The following STARD8 variants were observed in gnomAD, a reference collection of about 807,000 sequenced individuals.
The protein encoded by STARD8 is StAR related lipid transfer domain containing 8.
In STARD8, 25 loss-of-function variants were observed where a neutral mutation model predicts 69.4. That is an observed-to-expected ratio of 0.36 (90% CI 0.26 to 0.50). The LOEUF (loss-of-function observed/expected upper bound fraction) is 0.50, where lower values mean the gene tolerates loss of function less well. STARD8 is among the 20% of genes least tolerant of loss of function. STARD8 has a pLI of 0.96. For synonymous variants in STARD8, 389 were observed against 374.6 expected (o/e 1.04, Z -0.45); for missense variants, 921 against 932.5 (o/e 0.99, Z 0.16).
chrX:68,653,281 ACACACAC>A (rs1418902795), intron 1 of STARD8, among the ~76,000 whole-genome samples: 43 of 37,864 alleles, frequency 1.1e-3, no homozygotes, highest in African/African-American at 4.3e-3. Flanking sequence ...ACCACACCAC[ACACACAC>A]CACACACCAC....
At chrX:68,647,995 C>A in intron 1 of STARD8, 68 bp downstream of exon 1, 2 of 1,136,105 alleles carry the variant, frequency 1.8e-6, no homozygotes, top group Non-Finnish European at 2.4e-6. Flanking sequence ...TGGACCACTG[C>A]GCACCAGCTG....
chrX:68,709,260 G>A (rs896004902), intron 2 of STARD8, among the ~76,000 whole-genome samples: 5 of 112,368 alleles, frequency 4.4e-5, no homozygotes, highest in African/African-American at 1.6e-4. Context: ...TGGAGCAATT[G>A]CAGCCTCTTT....
At chrX:68,668,106 T>TTTCTTTCTTTCTTTCTTTC (rs1345180955) in intron 2 of STARD8, among the ~76,000 whole-genome samples, 14 of 102,523 alleles carry the variant, frequency 1.4e-4, no homozygotes, top group African/African-American at 5.2e-4. Flanking sequence ...TCTTTCTTTC[T>TTTCTTTCTTTCTTTCTTTC]TTCTTTCTGT....
chrX:68,648,387 C>CTAT (rs750735740), intron 1 of STARD8, among the ~76,000 whole-genome samples: 19 of 111,075 alleles, frequency 1.7e-4, no homozygotes, highest in Admixed American at 5.7e-4. Flanking sequence ...ACAATGGTAT[C>CTAT]TATTATTATT....
intron 2 of STARD8, among the ~76,000 whole-genome samples, chrX:68,676,446 C>T (rs1440053511): frequency 8.9e-6 from 1 of 112,332 alleles, no homozygotes; most frequent in Non-Finnish European, 1.9e-5. Context: ...AGGAAGAATT[C>T]CTTCTAGGCA....
At chrX:68,715,435 G>GA (rs1602606089) in intron 4 of STARD8, 60 bp downstream of exon 4, 4 of 1,004,220 alleles carry the variant, frequency 4.0e-6, no homozygotes, top group Non-Finnish European at 4.1e-6. Context: ...CTTCCTCGTG[G>GA]AAAAAAACAT....
chrX:68,656,772 A>C (rs1300524045), intron 1 of STARD8, among the ~76,000 whole-genome samples: 1 of 110,608 alleles, frequency 9.0e-6, no homozygotes, highest in Admixed American at 9.7e-5. Flanking sequence ...AAAACCAAAC[A>C]CCGCATGTTC....
chrX:68,722,120 G>A lies in STARD8; in HGVS notation c.2533G>A (p.Gly845Ser). 3.3e-6 allele frequency: 4 copies of A among 1,207,506 alleles called. No individual in the cohort carries two copies. In the South Asian group the frequency reaches 5.3e-5, roughly 16 times the overall value. Reference sequence around the variant, plus strand: ...GAGTGACAACATGGCAGCCACCCAGGGCCTGTCGCACATGATCAGTGACTG... The same window carrying A: ...GAGTGACAACATGGCAGCCACCCAGAGCCTGTCGCACATGATCAGTGACTG... ...DLSDNMAATQ[G>S]LSHMISDCKK... The change falls in exon 11 of 15, where the codon GGC becomes AGC. Residue 845 changes from glycine to serine, a missense_variant. Gly to Ser is a moderately conservative substitution (Grantham distance 56). Coordinates refer to ENST00000374599, the MANE Select transcript of STARD8 (RefSeq NM_001142503.3).
intron 2 of STARD8, among the ~76,000 whole-genome samples, chrX:68,708,615 C>T (rs2080026204): frequency 9.0e-6 from 1 of 111,570 alleles, no homozygotes; most frequent in African/African-American, 3.3e-5. Context: ...TGCCCTCTCC[C>T]CTGACTCTCC....
At chrX:68,652,825 C>A (rs1418717941) in intron 1 of STARD8, among the ~76,000 whole-genome samples, 16 of 55,717 alleles carry the variant, frequency 2.9e-4, no homozygotes, top group African/African-American at 6.3e-4. Context: ...CCCCACACAC[C>A]CCACACCCCA....
chrX:68,671,316 C>T (rs1444039227), intron 2 of STARD8, among the ~76,000 whole-genome samples: 1 of 112,518 alleles, frequency 8.9e-6, no homozygotes, highest in African/African-American at 3.2e-5. Flanking sequence ...CTTGGCCTGT[C>T]AAGCCACACT....
At chrX:68,719,441 C>T in intron 7 of STARD8, 43 bp downstream of exon 7, 1 of 1,116,818 alleles carries the variant, frequency 9.0e-7, no homozygotes, top group Non-Finnish European at 1.2e-6. Flanking sequence ...ACTGCTGACT[C>T]AGGTCCACGT....
chrX:68,706,311 C>G (rs1334606985), intron 2 of STARD8, among the ~76,000 whole-genome samples: 1 of 112,068 alleles, frequency 8.9e-6, no homozygotes, highest in Non-Finnish European at 1.9e-5. Flanking sequence ...GGTCCTGTCT[C>G]CTTTCCTCCC....
rs2080184428 is a variant in STARD8 at position 68,724,652 on chromosome X, ACT to A, written c.*234_*235del. On this transcript the variant is annotated 3_prime_UTR_variant, in exon 15 of 15. Transcript: ENST00000374599. ...CCCTTCACCCCCAACCCTGTATTCT[ACT>A]CTCCCGAAAAGAGAAGAGAATCGCA... is the stretch of plus-strand genomic sequence containing the variant. 3.0e-6 allele frequency: 1 copy of A among 333,635 alleles called. No homozygotes were observed. Among genetic ancestry groups the A allele is most frequent in the African/African-American group, 2.6e-5 (1 of 37,871 alleles). 27.5% of individuals were successfully genotyped at this position (333,635 alleles called of 1,213,427 possible). A position where few individuals can be genotyped will look rare whatever the true frequency, so the allele number is the denominator to read the frequency against.
rs373114146 is a variant in STARD8, at chrX:68,715,418, C to A, written c.233+43C>A. The A allele has an allele frequency of 3.7e-4, 400 of 1,094,592 alleles. 2 individuals carry two copies. The Middle Eastern group carries it at 7.0e-3, about 19-fold the overall frequency. The allele number at this position is 1,094,592 out of a possible 1,213,427, so 90.2% of individuals were successfully genotyped here. On this transcript the variant is annotated intron_variant, in intron 4 of 14. Transcript: ENST00000374599. ...CAGGCCTGGGAAGCCAAAGGCCTGG[C>A]TTGAAGCTTCCTCGTGGAAAAAAAC...
At chrX:68,713,476 G>C (rs141637972) in intron 3 of STARD8, among the ~76,000 whole-genome samples, 1 of 110,793 alleles carries the variant, frequency 9.0e-6, no homozygotes, top group African/African-American at 3.3e-5. Flanking sequence ...CCTCCACCTC[G>C]CCTGGTCAAC....
At chrX:68,703,255 A>T (rs2079980017) in intron 2 of STARD8, among the ~76,000 whole-genome samples, 1 of 112,000 alleles carries the variant, frequency 8.9e-6, no homozygotes, top group African/African-American at 3.3e-5. Context: ...GTGAGGCCTC[A>T]TTTTAAAAAA....
intron 2 of STARD8, among the ~76,000 whole-genome samples, chrX:68,692,676 T>G (rs2079884914): frequency 8.9e-6 from 1 of 112,438 alleles, no homozygotes; most frequent in African/African-American, 3.2e-5. Flanking sequence ...CTGGGCAACA[T>G]AGCAAGACTT....
At chrX:68,648,747 T>A (rs2079530292) in intron 1 of STARD8, among the ~76,000 whole-genome samples, 1 of 112,227 alleles carries the variant, frequency 8.9e-6, no homozygotes, top group East Asian at 2.8e-4. Flanking sequence ...GTCTACTATA[T>A]CCTGGCCATG....
Sources: allele counts gnomAD v4.1 joint callset (sites outside exome capture counted in the v4.1 genomes callset), GRCh38; gene constraint gnomAD v4.1.1; transcripts MANE v1.5; gene names NCBI Gene and HGNC (gene_info 2026-07-23, HGNC 2026-07-21).